The following IL1RAPL2 variants were observed in gnomAD, a reference collection of about 807,000 sequenced individuals.
The protein encoded by IL1RAPL2 is interleukin 1 receptor accessory protein like 2, also known as X-linked interleukin-1 receptor accessory protein-like 2.
Under a neutral mutation model 44.1 loss-of-function variants are expected in IL1RAPL2, and 3 were observed. The ratio of observed to expected loss-of-function variants is 0.07; its 90% confidence interval spans 0.03 to 0.18. IL1RAPL2 has a LOEUF of 0.18. Ranked by LOEUF, IL1RAPL2 falls within the 10% of genes least tolerant of loss-of-function variation. IL1RAPL2 has a pLI of 1.00. For synonymous variants in IL1RAPL2, 181 were observed against 178.8 expected, an observed-to-expected ratio of 1.01 and a Z score of -0.10; for missense variants, 391 against 496.4, an observed-to-expected ratio of 0.79 and a Z score of 2.02.
intron 5 of IL1RAPL2, among the ~76,000 whole-genome samples, chrX:105,355,684 A>C (rs911320001): frequency 9.0e-6 from 1 of 111,555 alleles, no homozygotes; most frequent in African/African-American, 3.3e-5. Flanking sequence ...ATATCATACT[A>C]CATTTCCTCT....
intron 5 of IL1RAPL2, among the ~76,000 whole-genome samples, chrX:105,310,337 G>C (rs2034787618): frequency 9.0e-6 from 1 of 111,045 alleles, no homozygotes; most frequent in Non-Finnish European, 1.9e-5. Flanking sequence ...GGTAATTTGT[G>C]TTTTTACATC....
chrX:104,803,806 T>C (rs1252437954), intron 2 of IL1RAPL2: 1 of 112,288 alleles, frequency 8.9e-6, no homozygotes. Flanking sequence ...CAATCAGCAG[T>C]TTTTAGCAAG....
At chrX:105,145,112 G>A (rs1426630268) in intron 2 of IL1RAPL2, among the ~76,000 whole-genome samples, 1 of 111,697 alleles carries the variant, frequency 9.0e-6, no homozygotes, top group Admixed American at 9.5e-5. Flanking sequence ...TGGTGAATAA[G>A]AATCAGCAAA....
At chrX:105,023,916 A>G (rs1016921535) in intron 2 of IL1RAPL2, among the ~76,000 whole-genome samples, 1 of 110,987 alleles carries the variant, frequency 9.0e-6, no homozygotes, top group Non-Finnish European at 1.9e-5. Flanking sequence ...TCACTAGTTA[A>G]AATTCTCAGA....
chrX:104,757,104 G>T (rs1428509123), intron 2 of IL1RAPL2, among the ~76,000 whole-genome samples: 2 of 111,717 alleles, frequency 1.8e-5, no homozygotes, highest in Non-Finnish European at 3.8e-5. Flanking sequence ...GATTGCAATA[G>T]ACTAAAGAGG....
chrX:104,647,423 G>A, intron 1 of IL1RAPL2: 1 of 599,915 alleles, frequency 1.7e-6, no homozygotes, highest in Non-Finnish European at 2.8e-6. Context: ...GGCCCTCTCT[G>A]CTTCCTGCTG....
At chrX:105,275,446 G>T (rs113125904) in intron 5 of IL1RAPL2, among the ~76,000 whole-genome samples, 11,849 of 111,448 alleles carry the variant, frequency 0.11, 1,545 homozygotes, top group African/African-American at 0.37. Flanking sequence ...GTTATGATTA[G>T]TATCACTTAT....
intron 6 of IL1RAPL2, among the ~76,000 whole-genome samples, chrX:105,529,643 T>C (rs1463967331): frequency 1.8e-5 from 2 of 111,882 alleles, no homozygotes; most frequent in Non-Finnish European, 3.8e-5. Flanking sequence ...TTAAAAACAT[T>C]CACATTTTTG....
chrX:105,043,127 T>G (rs1174388803), intron 2 of IL1RAPL2, among the ~76,000 whole-genome samples: 4 of 106,061 alleles, frequency 3.8e-5, no homozygotes, highest in Non-Finnish European at 7.8e-5. Flanking sequence ...TACCTAATGC[T>G]AGATGACGAG....
intron 5 of IL1RAPL2, among the ~76,000 whole-genome samples, chrX:105,458,915 G>T (rs1386818753): frequency 9.0e-6 from 1 of 111,518 alleles, no homozygotes; most frequent in Non-Finnish European, 1.9e-5. Flanking sequence ...TCCAATGGCT[G>T]CTAGGCTATA....
rs2031987615 is a variant in IL1RAPL2 at position 105,056,001 on chromosome X, A to G, written c.83-139474A>G. Among the ~76,000 whole-genome samples the G allele has an allele frequency of 6.2e-5, 7 of 112,093 alleles. No homozygotes were observed. The South Asian group carries it at 2.2e-3, about 35-fold the overall frequency. On this transcript the variant is annotated intron_variant, in intron 2 of 10. Coordinates refer to ENST00000372582, the MANE Select transcript of IL1RAPL2 (RefSeq NM_017416.2). ...ACATCTTCCTATAATTCGAATGTCT[A>G]TTCTTTGTGTGCTTAAGAAAACATT...
At chrX:105,424,532 C>A (rs368164244) in intron 5 of IL1RAPL2, among the ~76,000 whole-genome samples, 5 of 109,289 alleles carry the variant, frequency 4.6e-5, no homozygotes, top group Non-Finnish European at 9.5e-5. Flanking sequence ...ATTTTCCTTT[C>A]GCAGTACTCA....
At chrX:104,938,211 C>A (rs1199436328) in intron 2 of IL1RAPL2, among the ~76,000 whole-genome samples, 1 of 112,196 alleles carries the variant, frequency 8.9e-6, no homozygotes, top group Non-Finnish European at 1.9e-5. Flanking sequence ...TCAGAAATTT[C>A]TCTTATGATG....
At position 104,874,622 on chromosome X, in the gene IL1RAPL2, AT is replaced by A. The variant is rs941839305; in HGVS notation, c.82+215632del. Among the ~76,000 whole-genome samples the A allele has an allele frequency of 1.4e-3, 157 of 111,257 alleles. 1 individual carries two copies. Among genetic ancestry groups the A allele is most frequent in the African/African-American group, 4.8e-3 (146 of 30,640 alleles). On this transcript the variant is annotated intron_variant, in intron 2 of 10. Coordinates refer to ENST00000372582, the MANE Select transcript of IL1RAPL2 (RefSeq NM_017416.2). ...GAAATCGGCAAAATTGGCAGGAAGA[AT>A]TTTTACATTCAAGCATAGAAGGGGC... is the stretch of plus-strand genomic sequence containing the variant.
At chrX:105,002,583 A>G (rs1454961782) in intron 2 of IL1RAPL2, among the ~76,000 whole-genome samples, 1 of 110,756 alleles carries the variant, frequency 9.0e-6, no homozygotes, top group Admixed American at 9.6e-5. Context: ...GGGAAAGAAA[A>G]TCTTCAACTT....
At chrX:105,048,323 T>C (rs1191834239) in intron 2 of IL1RAPL2, among the ~76,000 whole-genome samples, 1 of 112,278 alleles carries the variant, frequency 8.9e-6, no homozygotes, top group East Asian at 2.8e-4. Flanking sequence ...TGTATTTTCA[T>C]GCTTAATGAA....
intron 2 of IL1RAPL2, among the ~76,000 whole-genome samples, chrX:105,032,592 G>A (rs1240129014): frequency 1.1e-4 from 12 of 111,760 alleles, no homozygotes; most frequent in Middle Eastern, 4.6e-3. Flanking sequence ...TCTGAGAGAC[G>A]TTTTGTTATA....
At chrX:104,802,420 T>C (rs2147613990) in intron 2 of IL1RAPL2, among the ~76,000 whole-genome samples, 1 of 107,292 alleles carries the variant, frequency 9.3e-6, no homozygotes, top group South Asian at 4.0e-4. Context: ...AAAGTTAAAA[T>C]ATGCATTGTA....
At chrX:105,059,036 T>C (rs2032037187) in intron 2 of IL1RAPL2, among the ~76,000 whole-genome samples, 1 of 111,993 alleles carries the variant, frequency 8.9e-6, no homozygotes, top group African/African-American at 3.2e-5. Flanking sequence ...GATATTTTGA[T>C]ACTAACATAC....
Sources: gnomAD v4.1 joint callset for allele counts (sites outside exome capture counted in the v4.1 genomes callset) on GRCh38, gnomAD v4.1.1 for gene constraint, MANE v1.5 for transcripts, NCBI Gene and HGNC (gene_info 2026-07-23, HGNC 2026-07-21) for gene names.